DISP3: variants seen among roughly 807,000 people sequenced by gnomAD.
DISP3 encodes the protein dispatched RND transporter family member 3, also known as protein dispatched homolog 3.
Under a neutral mutation model 135.3 loss-of-function variants are expected in DISP3, and 101 were observed. The ratio of observed to expected loss-of-function variants is 0.75; its 90% CI spans 0.64 to 0.88. DISP3 has a LOEUF of 0.88. Among genes scored for constraint, DISP3 ranks in the 40% least tolerant of loss-of-function variants. The pLI, the probability that DISP3 is intolerant of heterozygous loss-of-function variation, is 0.00. For synonymous variants in DISP3, 856 were observed against 817.0 expected (o/e 1.05, Z -0.81); for missense variants, 1,713 against 1,878.6 (o/e 0.91, Z 1.63).
rs1641585965 is a variant in DISP3 at position 11,502,759 on chromosome 1, C to T, written c.1178C>T (p.Ser393Phe). The T allele has an allele frequency of 1.9e-6, 3 of 1,614,072 alleles. No individual in the cohort carries two copies. In the East Asian group the frequency reaches 6.7e-5, roughly 36 times the overall value. ...CTCTCTGCAGACAATCTGAAGAGCTCCCTCCTGCGCAGTGAGATCCTGTTT... is the reference window on the plus strand; with the variant it reads ...CTCTCTGCAGACAATCTGAAGAGCTTCCTCCTGCGCAGTGAGATCCTGTTT... ...EGLSADNLKS[S>F]LLRSEILFGA... Residue 393 changes from serine (S) to phenylalanine (F), a missense_variant, in exon 3 of 21, where the codon TCC (serine) becomes TTC (phenylalanine). Ser to Phe is a radical substitution (Grantham distance 155). This residue lies in a region of DISP3 where 1,142 missense variants were observed against 1,384.6 expected (regional missense o/e 0.82). Transcript: ENST00000294484.
At chr1:11,500,221 G>T (rs1641463577) in intron 1 of DISP3, among the ~76,000 whole-genome samples, 1 of 152,260 alleles carries the variant, frequency 6.6e-6, no homozygotes. Flanking sequence ...CATAGAAGGG[G>T]TGGGAAGCTA....
chr1:11,514,373 G>T lies in DISP3; in HGVS notation c.1317-17G>T, dbSNP rs375310868. ...CTCTTCCTGTCATTCTTTTCTCCAC[G>T]TCCTCCCTTCCCCCAGCAAAGTCCA... On this transcript the variant is annotated splice_polypyrimidine_tract_variant and intron_variant, in intron 3 of 20. Coordinates refer to ENST00000294484, the MANE Select transcript of DISP3 (RefSeq NM_020780.2). 3.7e-6 allele frequency: 6 copies of T among 1,600,228 alleles called. No homozygotes were observed. The highest frequency in any genetic ancestry group is 3.3e-5 in the Admixed American group (2 of 59,924).
chr1:11,504,715 C>T (rs1641648860), intron 3 of DISP3, among the ~76,000 whole-genome samples: 2 of 152,150 alleles, frequency 1.3e-5, no homozygotes, highest in Admixed American at 1.3e-4. Flanking sequence ...TTGCCTGTTC[C>T]CCCTTTGACC....
Position 11,500,999 on chromosome 1 carries a change from A to C in DISP3, c.7A>C (p.Thr3Pro), listed in dbSNP as rs1226023336. 2.5e-6 allele frequency: 4 copies of C among 1,613,804 alleles called. No individual in the cohort carries two copies. Among genetic ancestry groups the C allele is most frequent in the Non-Finnish European group, 3.4e-6 (4 of 1,180,004 alleles). The change falls in exon 2 of 21, where the codon ACG becomes CCG. Residue 3 changes from threonine to proline, a missense_variant. By Grantham distance (38) the Thr-to-Pro change is conservative. Around this residue, in one of 2 missense-constraint regions of DISP3, gnomAD observed 571 missense variants for 494.1 expected, o/e 1.16. Transcript: ENST00000294484. The stretch of plus-strand genomic sequence containing the variant: ...TCTCCCTCTCCTGCAGACTATGGAC[A>C]CGGAGGATGACCCCTTGCTGCAGGA... MDTEDDPLLQDVW... is the reference protein window; with the variant it reads MDPEDDPLLQDVW...
intron 3 of DISP3, among the ~76,000 whole-genome samples, chr1:11,507,465 A>G (rs147326602): frequency 2.1e-4 from 32 of 152,336 alleles, no homozygotes; most frequent in African/African-American, 7.5e-4. Context: ...GGCCCCACAC[A>G]GCCCCAGACT....
At position 11,536,965 on chromosome 1, in the gene DISP3, A is replaced by G. The variant is rs1356399929; in HGVS notation, c.*279A>G. 1 of 479,444 alleles carries G rather than the reference A, an allele frequency of 2.1e-6. No individual in the cohort carries two copies. Among genetic ancestry groups the G allele is most frequent in the Non-Finnish European group, 3.7e-6 (1 of 270,414 alleles). The allele number at this position is 479,444 out of a possible 1,614,324, so 29.7% of individuals were successfully genotyped here. A position where few individuals can be genotyped will look rare whatever the true frequency, so the allele number is the denominator to read the frequency against. On this transcript the variant is annotated 3_prime_UTR_variant, in exon 21 of 21. Transcript: ENST00000294484. The surrounding 1 kb of genome is among the most constrained non-coding windows in gnomAD (Gnocchi z 4.3). ...ACCAGCCCTCCTCCCATGCCCGGTC[A>G]CCATGGGGGTCAGGTTATTTTTGTA...
At chr1:11,521,779 G>A (rs752429344) in intron 10 of DISP3, among the ~76,000 whole-genome samples, 21 of 152,154 alleles carry the variant, frequency 1.4e-4, no homozygotes, top group Non-Finnish European at 2.8e-4. Context: ...ATTTGAGAGA[G>A]GCAGCTGCAG....
At chr1:11,500,867 A>G in intron 1 of DISP3, 123 bp from the exon 2 acceptor site, 1 of 1,061,134 alleles carries the variant, frequency 9.4e-7, no homozygotes, top group Non-Finnish European at 1.4e-6. Flanking sequence ...ATGCAATTCC[A>G]TTGCAGTATT....
chr1:11,518,117 T>C (rs978124918), intron 7 of DISP3, among the ~76,000 whole-genome samples: 6 of 152,018 alleles, frequency 3.9e-5, no homozygotes, highest in Non-Finnish European at 7.4e-5. Context: ...GTGGGCCTGG[T>C]GGTTGGGAAG....
At chr1:11,489,263 C>G (rs1361791796) in intron 1 of DISP3, among the ~76,000 whole-genome samples, 1 of 152,254 alleles carries the variant, frequency 6.6e-6, no homozygotes, top group Non-Finnish European at 1.5e-5. Context: ...GATGTATCCT[C>G]CAGCTTCTCT....
intron 3 of DISP3, among the ~76,000 whole-genome samples, chr1:11,511,057 A>G (rs981674195): frequency 6.6e-6 from 1 of 152,216 alleles, no homozygotes; most frequent in Non-Finnish European, 1.5e-5. Flanking sequence ...ACCAGCCGCC[A>G]TGATTCAATT....
At chr1:11,500,518 A>G (rs1268915250) in intron 1 of DISP3, among the ~76,000 whole-genome samples, 1 of 152,090 alleles carries the variant, frequency 6.6e-6, no homozygotes, top group Non-Finnish European at 1.5e-5. Flanking sequence ...GCCTGATTCC[A>G]AAGATCATGC....
chr1:11,501,764 T>A lies in DISP3; in HGVS notation c.772T>A (p.Tyr258Asn), dbSNP rs1395469532. 1 of 1,593,554 alleles carries A rather than the reference T, an allele frequency of 6.3e-7. No homozygotes were observed. The highest frequency in any genetic ancestry group is 2.3e-5 in the East Asian group (1 of 44,274). Reference sequence around the variant, plus strand: ...CCGCCGAGGCGCCTCGCGCTGGGACTACTCGCGCGCCTATGTGAGTGCCAA... The same window carrying A: ...CCGCCGAGGCGCCTCGCGCTGGGACAACTCGCGCGCCTATGTGAGTGCCAA... ...RARRGASRWD[Y>N]SRAYVSANTQ... The change falls in exon 2 of 21, where the codon TAC (tyrosine) becomes AAC (asparagine). Residue 258 changes from tyrosine to asparagine, a missense_variant. Physicochemically the swap from Tyr to Asn is moderately radical, Grantham distance 143. Coordinates refer to ENST00000294484, the MANE Select transcript of DISP3 (RefSeq NM_020780.2). The surrounding 1 kb of genome is among the most constrained non-coding windows in gnomAD (Gnocchi z 4.9).
At chr1:11,521,002 C>G (rs1408920991) in intron 10 of DISP3, among the ~76,000 whole-genome samples, 154 bp downstream of exon 10, 1 of 152,188 alleles carries the variant, frequency 6.6e-6, no homozygotes, top group African/African-American at 2.4e-5. Flanking sequence ...ACAGTTCATT[C>G]AACAGATGCC....
intron 10 of DISP3, among the ~76,000 whole-genome samples, chr1:11,523,677 G>T (rs1052447035): frequency 5.3e-5 from 8 of 151,944 alleles, no homozygotes; most frequent in African/African-American, 1.9e-4. Context: ...GAGTGGCACA[G>T]AGAGGGCGAG....
chr1:11,498,110 C>CT (rs1641391889), intron 1 of DISP3, among the ~76,000 whole-genome samples: 1 of 152,230 alleles, frequency 6.6e-6, no homozygotes, highest in Admixed American at 6.5e-5. Flanking sequence ...GGTATGGAGC[C>CT]ACACATACAG....
intron 10 of DISP3, 139 bp from the exon 11 acceptor site, chr1:11,523,803 C>A (rs1273860247): frequency 9.8e-6 from 6 of 611,684 alleles, no homozygotes; most frequent in Admixed American, 3.1e-5. Flanking sequence ...TTCTTTCTGA[C>A]CCCTGACACC....
rs147252754 is a variant in DISP3, at chr1:11,513,729, G to A, written c.1317-661G>A. ...AATATCTCATATTTTAGGCTGCACTGAGGACTGGAAACTCTCAAAGCACTA... is the reference window on the plus strand; with the variant it reads ...AATATCTCATATTTTAGGCTGCACTAAGGACTGGAAACTCTCAAAGCACTA... On this transcript the variant is annotated intron_variant, in intron 3 of 20. Coordinates refer to ENST00000294484, the MANE Select transcript of DISP3 (RefSeq NM_020780.2). 3.3e-5 allele frequency among the ~76,000 whole-genome samples: 5 copies of A among 152,292 alleles called. No homozygotes were observed. The East Asian group carries it at 9.6e-4, about 29-fold the overall frequency.
At chr1:11,533,728 G>GACACACATGCAC (rs1553157605) in intron 17 of DISP3, 20 of 66,962 alleles carry the variant, frequency 3.0e-4, no homozygotes, top group Admixed American at 4.1e-4. Context: ...CCAGCACTCA[G>GACACACATGCAC]ACACGCATGC....
Sources: gnomAD v4.1 joint callset for allele counts (sites outside exome capture counted in the v4.1 genomes callset) on GRCh38, gnomAD v4.1.1 for gene constraint, gnomAD v4.1.1 regional missense constraint, Gnocchi (gnomAD v3.1) non-coding constraint, MANE v1.5 for transcripts, NCBI Gene and HGNC (gene_info 2026-07-23, HGNC 2026-07-21) for gene names.